Variants in CASZ1 observed in about 807,000 individuals in gnomAD.
CASZ1 encodes the protein castor zinc finger 1.
CASZ1 carries 28 observed loss-of-function variants against 135.2 expected under a neutral mutation model. That is an observed-to-expected ratio of 0.21 (90% CI 0.15 to 0.28). The LOEUF (loss-of-function observed/expected upper bound fraction) is 0.28. CASZ1 is among the 10% of genes least tolerant of loss of function. The pLI is 1.00. For missense variants in CASZ1, 2,161 were observed against 2,453.3 expected, an observed-to-expected ratio of 0.88 and a Z score of 2.52; for synonymous variants, 1,068 against 1,073.4, an observed-to-expected ratio of 0.99 and a Z score of 0.10.
In CASZ1 at chr1:10,647,643, C is replaced by T. The variant is rs1642404699; in HGVS notation, c.3497+158G>A. On this transcript the variant is annotated intron_variant, in intron 16 of 20. Transcript: ENST00000377022. This position sits in a 1 kb window ranked among gnomAD's most constrained non-coding sequence, Gnocchi z 4.9. The stretch of plus-strand genomic sequence containing the variant: ...GGCAGTGAGGTAGGAGCAGCAGCAT[C>T]TTTGGCTAGAAGGACATCACCCGAT... 6.8e-7 allele frequency: 1 copy of T among 1,469,250 alleles called. No individual in the cohort carries two copies. Among genetic ancestry groups the T allele is most frequent in the African/African-American group, 1.4e-5 (1 of 71,410 alleles). 91.0% of individuals were successfully genotyped at this position (1,469,250 alleles called of 1,614,324 possible).
At chr1:10,738,433 G>A (rs1165750785) in intron 2 of CASZ1, among the ~76,000 whole-genome samples, 1 of 152,260 alleles carries the variant, frequency 6.6e-6, no homozygotes, top group Non-Finnish European at 1.5e-5. Flanking sequence ...ACAGCAGGCC[G>A]GGGAAGGGGG....
At chr1:10,729,550 A>G (rs1487383145) in intron 2 of CASZ1, among the ~76,000 whole-genome samples, 1 of 152,248 alleles carries the variant, frequency 6.6e-6, no homozygotes, top group African/African-American at 2.4e-5. Context: ...CAAGTGCCAG[A>G]GCCCTGGGGG....
rs777775200 is a variant in CASZ1, at chr1:10,665,538, C to T, written c.50G>A (p.Gly17Asp). The change falls in exon 5 of 21, where the codon GGC becomes GAC. Residue 17 changes from glycine to aspartate, a missense_variant. Coordinates refer to ENST00000377022, the MANE Select transcript of CASZ1 (RefSeq NM_001079843.3). ...GCGTTTGGGCGCCATGGCGGGCTTG[C>T]CTGCAGGCGGGTCCGTGCACCGGGT... ...EGTRCTDPPA[G>D]KPAMAPKRKG... is the part of the protein sequence containing the mutation. 5 of 1,589,440 alleles carry T rather than the reference C, an allele frequency of 3.1e-6. No individual in the cohort carries two copies. The South Asian group carries it at 4.5e-5, about 14-fold the overall frequency.
At chr1:10,683,287 T>C (rs1256143595) in intron 4 of CASZ1, among the ~76,000 whole-genome samples, 1 of 151,992 alleles carries the variant, frequency 6.6e-6, no homozygotes, top group Non-Finnish European at 1.5e-5. Flanking sequence ...CACAGTGTGG[T>C]CTACACTGGG....
At chr1:10,772,120 G>A (rs1047037537) in intron 1 of CASZ1, among the ~76,000 whole-genome samples, 47 of 152,236 alleles carry the variant, frequency 3.1e-4, no homozygotes, top group African/African-American at 9.9e-4. Context: ...AGAAAGGAAG[G>A]CTTGGGCTGT....
rs555475287 is a variant in CASZ1, at chr1:10,649,162, C to T, written c.3066G>A (p.Gln1022=). ...RFGTKDFCDG[Q]CDFLHKAHFH... ...AGTGGGCCTTGTGGAGGAAGTCACA[C>T]TGGCCGTCACAGAAGTCCTTTGTAC... Residue 1022 remains glutamine, a synonymous_variant, in exon 15 of 21, where the codon CAG becomes CAA. Transcript: ENST00000377022. 1 of 1,613,624 alleles carries T rather than the reference C, an allele frequency of 6.2e-7. No individual in the cohort carries two copies. Among genetic ancestry groups the T allele is most frequent in the African/African-American group, 1.3e-5 (1 of 74,952 alleles).
chr1:10,731,453 C>T lies in CASZ1; in HGVS notation c.-76-25909G>A, dbSNP rs112290329. Among the ~76,000 whole-genome samples the T allele has an allele frequency of 5.3e-3, 812 of 152,178 alleles. 6 individuals are homozygous for T. The highest frequency in any genetic ancestry group is 9.2e-3 in the Non-Finnish European group (625 of 68,006). On this transcript the variant is annotated intron_variant, in intron 2 of 20. Coordinates refer to ENST00000377022, the MANE Select transcript of CASZ1 (RefSeq NM_001079843.3). ...AAAAAAAAGTAGCCAGGCATTGTGG[C>T]ATGCGCCTGTGCTCCCAGCTACTTG...
chr1:10,744,885 T>C (rs1400269273), intron 2 of CASZ1, among the ~76,000 whole-genome samples: 1 of 152,170 alleles, frequency 6.6e-6, no homozygotes, highest in Non-Finnish European at 1.5e-5. Context: ...CGGTACACGG[T>C]ACACGCAGAC....
chr1:10,767,364 G>A lies in CASZ1; in HGVS notation c.-233-6507C>T, dbSNP rs374824963. Among the ~76,000 whole-genome samples, 5 of 152,354 alleles carry A rather than the reference G, an allele frequency of 3.3e-5. No individual in the cohort carries two copies. In the East Asian group the frequency reaches 9.6e-4, roughly 29 times the overall value. On this transcript the variant is annotated intron_variant, in intron 1 of 20. Coordinates refer to ENST00000377022, the MANE Select transcript of CASZ1 (RefSeq NM_001079843.3). The surrounding 1 kb of genome is among the most constrained non-coding windows in gnomAD (Gnocchi z 4.2). ...TCCCAGCAATGGAGGCCCAAAGCCT[G>A]GGACGGGTCCTATTTCCAGGTCACA...
chr1:10,639,012 G>T lies in CASZ1; in HGVS notation c.5210C>A (p.Thr1737Asn). ...GGCCGCCAGCGCCGCCAAGGCCGGG[G>T]TCCGCGCGCCCGCGCCCGCCGCCTC... ...AAEAAGAGAR[T>N]PALAALAALG... Residue 1737 changes from threonine (T) to asparagine (N), a missense_variant, in exon 21 of 21, where the codon ACC (threonine) becomes AAC (asparagine). Around this residue, in one of 7 missense-constraint regions of CASZ1, gnomAD observed 185 missense variants for 134.7 expected, o/e 1.37. Transcript: ENST00000377022. The surrounding 1 kb of genome is among the most constrained non-coding windows in gnomAD (Gnocchi z 4.0). 1.1e-5 allele frequency: 11 copies of T among 994,806 alleles called. No individual in the cohort carries two copies. The highest frequency in any genetic ancestry group is 1.2e-5 in the Non-Finnish European group (10 of 835,278). 61.6% of individuals were successfully genotyped at this position (994,806 alleles called of 1,614,324 possible).
At chr1:10,668,545 C>T (rs1643307734) in intron 4 of CASZ1, among the ~76,000 whole-genome samples, 1 of 152,168 alleles carries the variant, frequency 6.6e-6, no homozygotes, top group Admixed American at 6.5e-5. Context: ...GGAGGGGCTG[C>T]CGAGGTGGGC....
intron 15 of CASZ1, chr1:10,648,405 A>C: frequency 2.5e-6 from 1 of 396,838 alleles, no homozygotes. Context: ...GCTCCTCCAT[A>C]TGTGTGACAG....
At chr1:10,753,112 A>G (rs1011258183) in intron 2 of CASZ1, among the ~76,000 whole-genome samples, 19 of 152,244 alleles carry the variant, frequency 1.2e-4, no homozygotes, top group Admixed American at 9.2e-4. Flanking sequence ...ATTGCATGGA[A>G]TATACTTATA....
At chr1:10,786,472 C>G (rs953199585) in intron 1 of CASZ1, among the ~76,000 whole-genome samples, 1 of 152,100 alleles carries the variant, frequency 6.6e-6, no homozygotes, top group East Asian at 1.9e-4. Flanking sequence ...AGACAGAGAG[C>G]AAGCTCTCCC....
intron 4 of CASZ1, among the ~76,000 whole-genome samples, chr1:10,669,836 C>T (rs1359619655): frequency 6.6e-6 from 1 of 152,156 alleles, no homozygotes; most frequent in African/African-American, 2.4e-5. Context: ...GTAATGTGTT[C>T]TGGGGCCGGG....
intron 4 of CASZ1, among the ~76,000 whole-genome samples, chr1:10,691,026 G>A (rs1283038839): frequency 6.6e-6 from 1 of 151,056 alleles, no homozygotes; most frequent in Non-Finnish European, 1.5e-5. Flanking sequence ...CTCCCCCAGG[G>A]AAATCACTCT....
Position 10,777,604 on chromosome 1 carries a change from A to T in CASZ1, c.-233-16747T>A, listed in dbSNP as rs1479437084. Among the ~76,000 whole-genome samples the T allele has an allele frequency of 6.6e-6, 1 of 152,152 alleles. No individual in the cohort carries two copies. Among genetic ancestry groups the T allele is most frequent in the East Asian group, 1.9e-4 (1 of 5,202 alleles). On this transcript the variant is annotated intron_variant, in intron 1 of 20. Coordinates refer to ENST00000377022, the MANE Select transcript of CASZ1 (RefSeq NM_001079843.3). The surrounding 1 kb of genome is among the most constrained non-coding windows in gnomAD (Gnocchi z 4.4). Reference sequence around the variant, plus strand: ...GGGGAAAGAAGCGACACACAAAAACACAACCACACACACAAACACAATCTC... The same window carrying T: ...GGGGAAAGAAGCGACACACAAAAACTCAACCACACACACAAACACAATCTC...
At chr1:10,695,827 G>A (rs1038916408) in intron 3 of CASZ1, among the ~76,000 whole-genome samples, 4 of 152,106 alleles carry the variant, frequency 2.6e-5, no homozygotes, top group African/African-American at 9.7e-5. Context: ...TGACGCATCC[G>A]GCCCAGAGGG....
chr1:10,769,432 G>A (rs1309523532), intron 1 of CASZ1, among the ~76,000 whole-genome samples: 1 of 152,236 alleles, frequency 6.6e-6, no homozygotes, highest in Non-Finnish European at 1.5e-5. Context: ...GGTTTAGATA[G>A]ATAACTCATC....
Sources: allele counts gnomAD v4.1 joint callset (sites outside exome capture counted in the v4.1 genomes callset), GRCh38; gene constraint gnomAD v4.1.1; regional missense constraint gnomAD v4.1.1; non-coding constraint Gnocchi (gnomAD v3.1); transcripts MANE v1.5; gene names NCBI Gene and HGNC (gene_info 2026-07-23, HGNC 2026-07-21).